The following DIP2A variants were observed in gnomAD, a reference collection of about 807,000 sequenced individuals.
The protein encoded by DIP2A is DIP2 acetate--CoA ligase A, also known as disco-interacting protein 2 homolog A.
In DIP2A, 85 loss-of-function variants were observed where a neutral mutation model predicts 177.4. That is an observed-to-expected ratio of 0.48 (90% CI 0.40 to 0.57). The LOEUF is 0.57. DIP2A is among the 20% of genes least tolerant of loss of function. The pLI is 0.00. For synonymous variants in DIP2A, 886 were observed against 881.8 expected (o/e 1.00, Z -0.08); for missense variants, 1,791 against 2,100.2 (o/e 0.85, Z 2.88).
At chr21:46,539,463 T>G (rs1429645650) in intron 16 of DIP2A, 19 of 312,296 alleles carry the variant, frequency 6.1e-5, no homozygotes, top group Non-Finnish European at 2.5e-5. Context: ...ACTGCTCAGG[T>G]CTCTGCGTCT....
chr21:46,494,031 T>C (rs2057168955), intron 3 of DIP2A, among the ~76,000 whole-genome samples: 1 of 152,246 alleles, frequency 6.6e-6, no homozygotes, highest in Non-Finnish European at 1.5e-5. Context: ...GTCATTTTGA[T>C]GTCGTAATAG....
chr21:46,484,415 C>T (rs2056555703), intron 1 of DIP2A, among the ~76,000 whole-genome samples: 1 of 152,172 alleles, frequency 6.6e-6, no homozygotes, highest in African/African-American at 2.4e-5. Context: ...CTTGTCTTTT[C>T]CTCACTCCCA....
rs1291414135 is a variant in DIP2A, at chr21:46,537,413, C to T, written c.1708-33C>T. ...TTGCTTTTTCTGGTGTGGCTCGGGC[C>T]CACTCGCCCTAAGCATGTGTGCTCC... On this transcript the variant is annotated intron_variant, in intron 14 of 37. Coordinates refer to ENST00000417564, the MANE Select transcript of DIP2A (RefSeq NM_015151.4). This position sits in a 1 kb window ranked among gnomAD's most constrained non-coding sequence, Gnocchi z 4.1. 6.2e-7 allele frequency: 1 copy of T among 1,611,652 alleles called. No individual in the cohort carries two copies. Among genetic ancestry groups the T allele is most frequent in the East Asian group, 2.2e-5 (1 of 44,842 alleles).
intron 1 of DIP2A, among the ~76,000 whole-genome samples, chr21:46,477,577 T>G (rs773985812): frequency 0.18 from 5,617 of 31,774 alleles, 202 homozygotes; most frequent in East Asian, 0.25. Flanking sequence ...GTATTTCTTT[T>G]TTTTTTTTTT....
Position 46,537,664 on chromosome 21 carries a change from G to C in DIP2A, c.1801+125G>C. ...GCAGATGTAGGCTGAAGAGCTGTGG[G>C]ACGTCTTTCTTGGTCACACCCCTGC... On this transcript the variant is annotated intron_variant, in intron 15 of 37. Coordinates refer to ENST00000417564, the MANE Select transcript of DIP2A (RefSeq NM_015151.4). This position sits in a 1 kb window ranked among gnomAD's most constrained non-coding sequence, Gnocchi z 4.1. 3.2e-6 allele frequency: 3 copies of C among 948,442 alleles called. No homozygotes were observed. The highest frequency in any genetic ancestry group is 4.8e-6 in the Non-Finnish European group (3 of 622,214). The allele number at this position is 948,442 out of a possible 1,614,324, so 58.8% of individuals were successfully genotyped here. A position where few individuals can be genotyped will look rare whatever the true frequency, so the allele number is the denominator to read the frequency against.
downstream of DIP2A, among the ~76,000 whole-genome samples, chr21:46,570,405 G>A (rs1272110512): frequency 1.3e-5 from 2 of 152,148 alleles, no homozygotes; most frequent in South Asian, 2.1e-4. Flanking sequence ...CGTGTTCATG[G>A]CCATTTTTAG....
At chr21:46,476,320 T>C (rs1021839513) in intron 1 of DIP2A, among the ~76,000 whole-genome samples, 6 of 152,194 alleles carry the variant, frequency 3.9e-5, no homozygotes, top group African/African-American at 1.4e-4. Flanking sequence ...TGTGGTATTA[T>C]CTTATATGGT....
intron 32 of DIP2A, 158 bp downstream of exon 32, chr21:46,558,551 G>A: frequency 1.3e-6 from 1 of 742,386 alleles, no homozygotes; most frequent in Non-Finnish European, 2.2e-6. Flanking sequence ...AGCTTCAAGG[G>A]TTTTATTTTT....
At chr21:46,575,491 G>A in the DIP2A span, among the ~76,000 whole-genome samples, 2 of 152,102 alleles carry the variant, frequency 1.3e-5, no homozygotes, top group East Asian at 3.8e-4. Flanking sequence ...CTCTGCCAAT[G>A]ATATAATCTC....
intron 7 of DIP2A, among the ~76,000 whole-genome samples, chr21:46,510,578 AAAAC>A (rs1366232415): frequency 6.6e-6 from 1 of 152,092 alleles, no homozygotes; most frequent in East Asian, 1.9e-4. Flanking sequence ...TTTAAAGTAA[AAAAC>A]AAGATTAAAG....
Position 46,547,023 on chromosome 21 carries a change from AAGTTTGTCTACAGAGGC to A in DIP2A, c.2506_2522del (p.Phe836AspfsTer19). 1.2e-6 allele frequency: 2 copies of A among 1,613,970 alleles called. No individual in the cohort carries two copies. Among genetic ancestry groups the A allele is most frequent in the Non-Finnish European group, 1.7e-6 (2 of 1,179,868 alleles). On this transcript the variant is annotated frameshift_variant and splice_region_variant, in exon 21 of 38. Transcript: ENST00000417564. LOFTEE classifies it high-confidence loss of function. ...CACCGCACTGGCCGTGGAGCCCATG[AAGTTTGTCTACAGAGGC>A]AGGTGATGCGCTGCGGACCCCCACG...
intron 9 of DIP2A, among the ~76,000 whole-genome samples, chr21:46,529,823 A>G (rs1366179280): frequency 6.6e-6 from 1 of 152,152 alleles, no homozygotes; most frequent in Admixed American, 6.5e-5. Context: ...CTGCTGTGAA[A>G]TTCTGTATTT....
intron 21 of DIP2A, 67 bp downstream of exon 21, chr21:46,547,109 C>A: frequency 6.4e-7 from 1 of 1,574,524 alleles, no homozygotes; most frequent in Non-Finnish European, 8.7e-7. Context: ...AGTCTTTGTG[C>A]AGTAGATGGA....
intron 17 of DIP2A, among the ~76,000 whole-genome samples, chr21:46,541,145 A>AT (rs567332153): frequency 1.1e-4 from 16 of 151,980 alleles, no homozygotes; most frequent in Non-Finnish European, 1.8e-4. Flanking sequence ...CAACTGTGTA[A>AT]TTTTTTTCAT....
chr21:46,547,383 C>G (rs1601792830), intron 21 of DIP2A, among the ~76,000 whole-genome samples: 1 of 152,272 alleles, frequency 6.6e-6, no homozygotes, highest in East Asian at 1.9e-4. Flanking sequence ...TGAATTAAAA[C>G]AGAAAAGTGC....
At position 46,498,785 on chromosome 21, in the gene DIP2A, G is replaced by A. The variant is rs770416290; in HGVS notation, c.607G>A (p.Ala203Thr). Residue 203 changes from alanine (A) to threonine (T), a missense_variant, in exon 5 of 38, where the codon GCC becomes ACC. Ala to Thr is a moderately conservative substitution (Grantham distance 58, BLOSUM62 0). Coordinates refer to ENST00000417564, the MANE Select transcript of DIP2A (RefSeq NM_015151.4). The surrounding 1 kb of genome is among the most constrained non-coding windows in gnomAD (Gnocchi z 4.3). ...TAPSAAATPG[A>T]AATTALAGLE... ...TCCCAGTGCTGCAGCCACGCCGGGG[G>A]CCGCCGCTACCACTGCACTCGCAGG... The A allele has an allele frequency of 6.2e-7, 1 of 1,612,800 alleles. No homozygotes were observed. The highest frequency in any genetic ancestry group is 8.5e-7 in the Non-Finnish European group (1 of 1,179,720).
intron 1 of DIP2A, among the ~76,000 whole-genome samples, chr21:46,464,321 A>G (rs181801848): frequency 1.3e-5 from 2 of 152,068 alleles, no homozygotes; most frequent in Admixed American, 1.3e-4. Flanking sequence ...TGAACCTGGG[A>G]GGCAGAGGTT....
intron 28 of DIP2A, 72 bp downstream of exon 28, chr21:46,555,005 G>C: frequency 6.8e-7 from 1 of 1,468,730 alleles, no homozygotes; most frequent in Non-Finnish European, 9.2e-7. Flanking sequence ...TGGCCTGGCT[G>C]CCGTCCAAAA....
intron 6 of DIP2A, among the ~76,000 whole-genome samples, chr21:46,506,289 T>G (rs1366112773): frequency 6.6e-6 from 1 of 152,150 alleles, no homozygotes; most frequent in Non-Finnish European, 1.5e-5. Context: ...AGTTAATTTT[T>G]GCATTTTCAG....
Sources: allele counts gnomAD v4.1 joint callset (sites outside exome capture counted in the v4.1 genomes callset), GRCh38; gene constraint gnomAD v4.1.1; non-coding constraint Gnocchi (gnomAD v3.1); transcripts MANE v1.5; gene names NCBI Gene and HGNC (gene_info 2026-07-23, HGNC 2026-07-21).